MAF: variants seen among roughly 807,000 people sequenced by gnomAD.
MAF encodes the protein MAF bZIP transcription factor, also known as transcription factor Maf.
MAF carries 10 observed loss-of-function variants against 22.0 expected under a neutral mutation model. That is an observed-to-expected ratio of 0.45 (90% CI 0.28 to 0.77). The LOEUF is 0.77. MAF is among the 30% of genes least tolerant of loss of function. The probability of loss-of-function intolerance (pLI) is 0.12; values close to 1 mark genes in which losing one functional copy is unlikely to be tolerated. For synonymous variants in MAF, 337 were observed against 255.8 expected, an observed-to-expected ratio of 1.32 and a Z score of -3.03; for missense variants, 544 against 548.4, an observed-to-expected ratio of 0.99 and a Z score of 0.08.
chr16:79,572,282 C>A, the MAF span, among the ~76,000 whole-genome samples: 2 of 152,120 alleles, frequency 1.3e-5, no homozygotes, highest in African/African-American at 4.8e-5. Context: ...ACGTGCCAGG[C>A]ATTTTTGCCC....
At chr16:79,524,174 T>C in the MAF span, among the ~76,000 whole-genome samples, 1 of 152,212 alleles carries the variant, frequency 6.6e-6, no homozygotes, top group African/African-American at 2.4e-5. Context: ...CTCTGATCCC[T>C]GTTCGGGTCA....
chr16:79,598,724 G>A lies in MAF; in HGVS notation c.1118+61C>T, dbSNP rs988992548. 152 of 1,609,216 alleles carry A rather than the reference G, an allele frequency of 9.4e-5. No individual in the cohort carries two copies. In the East Asian group the frequency reaches 2.6e-3, roughly 27 times the overall value. ...CTCTAGAACTAGCAAGCCCACACCC[G>A]AGCCGGACCCCCGCGGAGCACTTAT... On this transcript the variant is annotated intron_variant, in intron 1 of 1. Transcript: ENST00000326043.
the MAF span, among the ~76,000 whole-genome samples, chr16:79,534,322 C>A: frequency 6.6e-6 from 1 of 152,194 alleles, no homozygotes; most frequent in Non-Finnish European, 1.5e-5. Context: ...TACCTCACCG[C>A]ATTACCATGT....
At chr16:79,440,657 C>T in the MAF span, among the ~76,000 whole-genome samples, 12 of 152,152 alleles carry the variant, frequency 7.9e-5, no homozygotes, top group Non-Finnish European at 1.2e-4. Context: ...GTGATCCACC[C>T]GCCTTGGCCT....
At chr16:79,207,289 A>C in the MAF span, among the ~76,000 whole-genome samples, 1 of 152,268 alleles carries the variant, frequency 6.6e-6, no homozygotes, top group Non-Finnish European at 1.5e-5. Flanking sequence ...AACAGACACC[A>C]GATGAGTAAC....
chr16:79,450,803 A>T, the MAF span, among the ~76,000 whole-genome samples: 1 of 107,780 alleles, frequency 9.3e-6, no homozygotes, highest in Non-Finnish European at 1.8e-5. Context: ...CTGAAAACAG[A>T]AAAAAAAAAT....
chr16:79,381,393 G>C, the MAF span, among the ~76,000 whole-genome samples: 9 of 152,114 alleles, frequency 5.9e-5, no homozygotes, highest in African/African-American at 1.9e-4. Flanking sequence ...ACGAAGCCCA[G>C]ATAAGTGTGT....
the MAF span, among the ~76,000 whole-genome samples, chr16:79,220,998 C>T: frequency 4.6e-5 from 7 of 152,066 alleles, no homozygotes; most frequent in Admixed American, 3.3e-4. Flanking sequence ...ATTGTGTCAG[C>T]GAAATAAAAA....
At chr16:79,503,995 G>A in the MAF span, among the ~76,000 whole-genome samples, 2,359 of 152,178 alleles carry the variant, frequency 0.016, 31 homozygotes, top group Non-Finnish European at 0.026. Context: ...CATTGCAGGG[G>A]CTCAGTAAAT....
At chr16:79,581,535 G>A (rs1284424620), downstream of MAF, among the ~76,000 whole-genome samples, 1 of 152,180 alleles carries the variant, frequency 6.6e-6, no homozygotes, top group Admixed American at 6.5e-5. Context: ...TAAAGGAAGA[G>A]CGACCTCAGG....
the MAF span, chr16:79,206,737 A>C: frequency 6.6e-6 from 1 of 152,182 alleles, no homozygotes; most frequent in South Asian, 2.1e-4. Flanking sequence ...TTCCAAATTG[A>C]ATTGTATAAT....
chr16:79,561,306 G>A, the MAF span, among the ~76,000 whole-genome samples: 1 of 147,646 alleles, frequency 6.8e-6, no homozygotes, highest in Admixed American at 6.7e-5. Flanking sequence ...CTAGTTTGAA[G>A]TTTTCTTTCT....
At chr16:79,212,203 AG>A in the MAF span, 1 of 1,450,446 alleles carries the variant, frequency 6.9e-7, no homozygotes, top group Non-Finnish European at 9.0e-7. Flanking sequence ...TCTCCTACTT[AG>A]GGAAGAAAAA....
Position 79,599,365 on chromosome 16 carries a change from G to A in MAF, c.538C>T (p.His180Tyr). The A allele has an allele frequency of 3.0e-6, 3 of 996,688 alleles. No homozygotes were observed. Among genetic ancestry groups the A allele is most frequent in the Non-Finnish European group, 3.6e-6 (3 of 839,238 alleles). The allele number at this position is 996,688 out of a possible 1,614,324, so 61.7% of individuals were successfully genotyped here. A position where few individuals can be genotyped will look rare whatever the true frequency, so the allele number is the denominator to read the frequency against. ...AAAAQSGAGPHYHHHHHHAAG... is the reference protein window; with the variant it reads ...AAAAQSGAGPYYHHHHHHAAG... ...GCGTGGTGGTGGTGGTGGTGGTAGTGCGGGCCCGCGCCGCTCTGCGCGGCG... is the reference window on the plus strand; with the variant it reads ...GCGTGGTGGTGGTGGTGGTGGTAGTACGGGCCCGCGCCGCTCTGCGCGGCG... The change falls in exon 1 of 2, where the codon CAC (histidine) becomes TAC (tyrosine). Residue 180 changes from histidine to tyrosine, a missense_variant. By Grantham distance (83) the His-to-Tyr change is moderately conservative (BLOSUM62 2). Coordinates refer to ENST00000326043, the MANE Select transcript of MAF (RefSeq NM_005360.5).
chr16:79,599,159 C>A lies in MAF; in HGVS notation c.744G>T (p.Pro248=). Reference sequence around the variant, plus strand: ...AGTGCAGGCCGCCGGCGGCGTGGTGCGGGTGCAGGGCGCCCCCCGCCCCCG... The same window carrying A: ...AGTGCAGGCCGCCGGCGGCGTGGTGAGGGTGCAGGGCGCCCCCCGCCCCCG... ...GAAGAGGALH[P]HHAAGGLHFD... is the part of the protein sequence containing the mutation. Residue 248 remains proline, a synonymous_variant, in exon 1 of 2, where the codon CCG becomes CCT. Transcript: ENST00000326043. 2 of 1,527,066 alleles carry A rather than the reference C, an allele frequency of 1.3e-6. No individual in the cohort carries two copies. The highest frequency in any genetic ancestry group is 1.8e-6 in the Non-Finnish European group (2 of 1,141,140). The allele number at this position is 1,527,066 out of a possible 1,614,324, so 94.6% of individuals were successfully genotyped here. A position where few individuals can be genotyped will look rare whatever the true frequency, so the allele number is the denominator to read the frequency against.
downstream of MAF, among the ~76,000 whole-genome samples, chr16:79,589,562 C>T (rs1238440522): frequency 1.3e-5 from 2 of 152,132 alleles, no homozygotes; most frequent in African/African-American, 4.8e-5. Context: ...TGATCTGGAG[C>T]CGATGATCTT....
the MAF span, among the ~76,000 whole-genome samples, chr16:79,367,760 T>C: frequency 4.6e-5 from 7 of 152,202 alleles, no homozygotes; most frequent in Non-Finnish European, 8.8e-5. Flanking sequence ...GTGGCTACCA[T>C]CTTGGACAGC....
the MAF span, among the ~76,000 whole-genome samples, chr16:79,209,476 C>T: frequency 6.0e-3 from 919 of 152,284 alleles, 42 homozygotes; most frequent in East Asian, 0.099. Flanking sequence ...TCTGTCATGA[C>T]GTTTGAATGC....
chr16:79,593,405 T>C (rs1184338204), downstream of MAF, among the ~76,000 whole-genome samples: 1 of 152,132 alleles, frequency 6.6e-6, no homozygotes, highest in African/African-American at 2.4e-5. Flanking sequence ...TCCACTGCTT[T>C]TAGCAGGAAA....
Sources: gnomAD v4.1 joint callset for allele counts (sites outside exome capture counted in the v4.1 genomes callset) on GRCh38, gnomAD v4.1.1 for gene constraint, MANE v1.5 for transcripts, NCBI Gene and HGNC (gene_info 2026-07-23, HGNC 2026-07-21) for gene names.